Variants in BANP observed in about 807,000 individuals in gnomAD.
BANP encodes protein BANP.
BANP carries 11 observed loss-of-function variants against 68.1 expected under a neutral mutation model. The observed-to-expected ratio is 0.16, with a 90% CI of 0.10 to 0.27. The LOEUF is 0.27. Ranked by LOEUF, BANP falls within the 10% of genes least tolerant of loss-of-function variation. The probability of loss-of-function intolerance (pLI) is 1.00; values close to 1 mark genes in which losing one functional copy is unlikely to be tolerated. For synonymous variants in BANP, 329 were observed against 303.2 expected (o/e 1.09, Z -0.88); for missense variants, 504 against 722.7 (o/e 0.70, Z 3.47).
At chr16:88,030,094 A>G (rs2077826254) in intron 8 of BANP, among the ~76,000 whole-genome samples, 1 of 152,268 alleles carries the variant, frequency 6.6e-6, no homozygotes, top group Non-Finnish European at 1.5e-5. Context: ...GGCAGAGCTT[A>G]AGACAGCCTG....
chr16:87,989,977 G>T (rs546656210), intron 4 of BANP, among the ~76,000 whole-genome samples: 147 of 151,580 alleles, frequency 9.7e-4, no homozygotes, highest in Non-Finnish European at 1.5e-3. Flanking sequence ...GTGGCTGCGC[G>T]CATCCAGGAC....
intron 6 of BANP, among the ~76,000 whole-genome samples, chr16:88,012,478 C>G (rs1263320676): frequency 6.6e-6 from 1 of 152,182 alleles, no homozygotes; most frequent in Non-Finnish European, 1.5e-5. Flanking sequence ...GAACGTAACA[C>G]CATGCTCTAA....
intron 11 of BANP, among the ~76,000 whole-genome samples, chr16:88,050,037 G>C (rs891395405): frequency 1.3e-5 from 2 of 152,202 alleles, no homozygotes; most frequent in Admixed American, 6.5e-5. Flanking sequence ...GCCGGCTGGT[G>C]AGCTTCTCAG....
At chr16:88,047,676 C>T (rs1049527982) in intron 11 of BANP, among the ~76,000 whole-genome samples, 3 of 152,184 alleles carry the variant, frequency 2.0e-5, no homozygotes, top group African/African-American at 7.2e-5. Flanking sequence ...CCCTAGTGTA[C>T]TCCTAATAGT....
intron 13 of BANP, among the ~76,000 whole-genome samples, chr16:88,075,435 C>T (rs1287661337): frequency 1.3e-5 from 2 of 152,244 alleles, no homozygotes; most frequent in Admixed American, 6.5e-5. Flanking sequence ...CCCATGAGGT[C>T]GAGGCGGCCG....
intron 11 of BANP, among the ~76,000 whole-genome samples, chr16:88,060,807 C>T (rs28662301): frequency 0.13 from 19,878 of 152,028 alleles, 1,518 homozygotes; most frequent in South Asian, 0.33. Context: ...GGCTTGTGCA[C>T]GCGTCATGCA....
chr16:87,958,208 C>A (rs72816360), intron 1 of BANP, among the ~76,000 whole-genome samples: 1,675 of 152,248 alleles, frequency 0.011, 8 homozygotes, highest in Non-Finnish European at 0.017. Context: ...AACTCTGAGT[C>A]CCTAGAAACT....
intron 4 of BANP, among the ~76,000 whole-genome samples, chr16:87,994,770 AAAAAT>A (rs768239979): frequency 5.3e-5 from 8 of 152,196 alleles, no homozygotes; most frequent in African/African-American, 1.2e-4. Flanking sequence ...CCCCGTGTAT[AAAAAT>A]AAAATAAAAT....
intron 11 of BANP, among the ~76,000 whole-genome samples, chr16:88,054,074 T>C (rs1389689990): frequency 5.1e-5 from 4 of 78,946 alleles, no homozygotes; most frequent in Admixed American, 1.2e-4. Context: ...ACAACCACCT[T>C]CACCACCACC....
At chr16:88,039,518 G>T (rs1444760519) in intron 11 of BANP, among the ~76,000 whole-genome samples, 16 of 144,034 alleles carry the variant, frequency 1.1e-4, no homozygotes, top group African/African-American at 1.7e-4. Context: ...GAAAAGTAAG[G>T]CACGTCACCT....
intron 4 of BANP, among the ~76,000 whole-genome samples, chr16:87,994,910 A>G (rs2066775775): frequency 6.6e-6 from 1 of 152,192 alleles, no homozygotes; most frequent in Non-Finnish European, 1.5e-5. Flanking sequence ...TGGACTTGTG[A>G]TTAGCATGGT....
At chr16:88,037,907 T>G in intron 10 of BANP, 66 bp from the exon 11 acceptor site, 1 of 1,509,846 alleles carries the variant, frequency 6.6e-7, no homozygotes, top group Non-Finnish European at 9.2e-7. Context: ...TTGGCGTGTT[T>G]GCCGTGTCTG....
chr16:88,014,188 T>C (rs1186154252), intron 6 of BANP, among the ~76,000 whole-genome samples: 1 of 152,110 alleles, frequency 6.6e-6, no homozygotes, highest in Non-Finnish European at 1.5e-5. Flanking sequence ...GGAGGGCTCA[T>C]TGTGACCTGC....
rs546356872 is a variant in BANP, at chr16:88,077,136, C to A, written c.*475C>A. 1.2e-5 allele frequency: 2 copies of A among 170,236 alleles called. No individual in the cohort carries two copies. Among genetic ancestry groups the A allele is most frequent in the East Asian group, 3.5e-4 (2 of 5,694 alleles). 10.5% of individuals were successfully genotyped at this position (170,236 alleles called of 1,614,324 possible). On this transcript the variant is annotated 3_prime_UTR_variant, in exon 14 of 14. Transcript: ENST00000682872. ...TGAGACGGGAGCCCTTTGCTGTGTGCTCTGTCCAGTGTCATGAGACGGGAG... is the reference window on the plus strand; with the variant it reads ...TGAGACGGGAGCCCTTTGCTGTGTGATCTGTCCAGTGTCATGAGACGGGAG...
chr16:87,983,928 A>G (rs1440351817), intron 3 of BANP, 132 bp from the exon 4 acceptor site: 1 of 1,379,690 alleles, frequency 7.2e-7, no homozygotes, highest in Non-Finnish European at 9.7e-7. Context: ...CTCACGGGCT[A>G]TTTCCAGTGT....
chr16:88,048,811 A>G (rs1171847060), intron 11 of BANP, among the ~76,000 whole-genome samples: 1 of 152,120 alleles, frequency 6.6e-6, no homozygotes, highest in African/African-American at 2.4e-5. Context: ...CTCACCACAG[A>G]TTAAAGAAAG....
intron 1 of BANP, among the ~76,000 whole-genome samples, chr16:87,969,475 A>G (rs1567611943): frequency 2.0e-5 from 3 of 150,776 alleles, no homozygotes; most frequent in East Asian, 1.9e-4. Flanking sequence ...TGCCAATCTG[A>G]TTGGTGAAAA....
chr16:87,970,811 G>A (rs2060965408), intron 1 of BANP, among the ~76,000 whole-genome samples: 1 of 152,084 alleles, frequency 6.6e-6, no homozygotes, highest in South Asian at 2.1e-4. Flanking sequence ...CTGAGGTCGG[G>A]AGTTTGAGAC....
chr16:88,053,032 A>G (rs1251134202), intron 11 of BANP, among the ~76,000 whole-genome samples: 4 of 151,392 alleles, frequency 2.6e-5, no homozygotes, highest in Non-Finnish European at 5.9e-5. Context: ...AGTCACCCTA[A>G]CAAACACTAC....
Sources: gnomAD v4.1 joint callset for allele counts (sites outside exome capture counted in the v4.1 genomes callset) on GRCh38, gnomAD v4.1.1 for gene constraint, MANE v1.5 for transcripts, NCBI Gene and HGNC (gene_info 2026-07-23, HGNC 2026-07-21) for gene names.